Variants in SGMS1 observed in about 807,000 individuals in gnomAD.
SGMS1 encodes phosphatidylcholine:ceramide cholinephosphotransferase 1.
Under a neutral mutation model 46.2 loss-of-function variants are expected in SGMS1, and 13 were observed. That is an observed-to-expected ratio of 0.28 (90% CI 0.18 to 0.45). The LOEUF is 0.45. SGMS1 is among the 20% of genes least tolerant of loss of function. SGMS1 has a pLI of 1.00. For missense variants in SGMS1, 324 were observed against 519.9 expected, an observed-to-expected ratio of 0.62 and a Z score of 3.66; for synonymous variants, 203 against 187.8, an observed-to-expected ratio of 1.08 and a Z score of -0.66.
intron 8 of SGMS1, among the ~76,000 whole-genome samples, chr10:50,319,176 A>C (rs954705237): frequency 6.6e-6 from 1 of 151,934 alleles, no homozygotes; most frequent in Non-Finnish European, 1.5e-5. Flanking sequence ...AAAAAAAAAA[A>C]AAAAATTGCC....
chr10:50,337,231 A>C (rs1847730324), intron 7 of SGMS1, among the ~76,000 whole-genome samples: 1 of 152,160 alleles, frequency 6.6e-6, no homozygotes, highest in Non-Finnish European at 1.5e-5. Context: ...CCAGAATATA[A>C]CCCCCATTCA....
intron 2 of SGMS1, among the ~76,000 whole-genome samples, chr10:50,585,385 G>A (rs964103043): frequency 6.6e-6 from 1 of 152,164 alleles, no homozygotes; most frequent in African/African-American, 2.4e-5. Flanking sequence ...TACAGTAATT[G>A]TGCAAACATC....
chr10:50,346,385 A>T (rs1315158383), intron 6 of SGMS1, among the ~76,000 whole-genome samples: 2 of 151,892 alleles, frequency 1.3e-5, no homozygotes, highest in East Asian at 1.9e-4. Flanking sequence ...CAGGGGGCTA[A>T]TTTTTTTTCT....
intron 4 of SGMS1, among the ~76,000 whole-genome samples, chr10:50,462,565 A>G (rs1436524982): frequency 6.6e-6 from 1 of 152,220 alleles, no homozygotes; most frequent in Non-Finnish European, 1.5e-5. Context: ...AGAAACAATT[A>G]TTTCTAGAGG....
intron 6 of SGMS1, among the ~76,000 whole-genome samples, chr10:50,424,397 T>C (rs893187848): frequency 6.7e-6 from 1 of 150,360 alleles, no homozygotes; most frequent in Admixed American, 6.6e-5. Flanking sequence ...AGTATCTTCA[T>C]AAAAAGTGTC....
At chr10:50,319,872 A>T (rs1448924736) in intron 8 of SGMS1, among the ~76,000 whole-genome samples, 2 of 152,210 alleles carry the variant, frequency 1.3e-5, no homozygotes, top group African/African-American at 4.8e-5. Context: ...GTTATTTTTT[A>T]AAATTATGTA....
At chr10:50,349,395 G>T (rs1418695467) in intron 6 of SGMS1, among the ~76,000 whole-genome samples, 1 of 152,158 alleles carries the variant, frequency 6.6e-6, no homozygotes, top group Non-Finnish European at 1.5e-5. Context: ...GTGTGCTATG[G>T]TAGAAAGAGT....
chr10:50,370,885 C>G (rs1848425430), intron 6 of SGMS1, among the ~76,000 whole-genome samples: 1 of 152,100 alleles, frequency 6.6e-6, no homozygotes, highest in Admixed American at 6.5e-5. Context: ...GCTGTCATCT[C>G]CTGTGATAAT....
At chr10:50,442,779 T>C (rs1396562124) in intron 5 of SGMS1, among the ~76,000 whole-genome samples, 2 of 152,222 alleles carry the variant, frequency 1.3e-5, no homozygotes, top group Non-Finnish European at 2.9e-5. Flanking sequence ...TTGTCAAATG[T>C]ATAGCTTGCA....
intron 3 of SGMS1, among the ~76,000 whole-genome samples, chr10:50,493,917 C>T (rs1016032417): frequency 3.9e-5 from 6 of 152,218 alleles, no homozygotes; most frequent in African/African-American, 1.2e-4. Context: ...CCTGCCTCAG[C>T]GTCCCGTGTA....
intron 8 of SGMS1, among the ~76,000 whole-genome samples, chr10:50,317,018 T>C (rs933774129): frequency 2.6e-5 from 4 of 152,198 alleles, no homozygotes; most frequent in African/African-American, 9.7e-5. Context: ...GCTAACACCA[T>C]GTGCTCATGA....
chr10:50,594,690 GA>G (rs1457633277), intron 1 of SGMS1, among the ~76,000 whole-genome samples: 1 of 151,940 alleles, frequency 6.6e-6, no homozygotes, highest in Non-Finnish European at 1.5e-5. Context: ...GCATTTCTAG[GA>G]AAAATGTGAT....
At chr10:50,508,198 C>G (rs534084598) in intron 3 of SGMS1, among the ~76,000 whole-genome samples, 6 of 152,270 alleles carry the variant, frequency 3.9e-5, no homozygotes, top group Non-Finnish European at 7.4e-5. Flanking sequence ...TATATAAGAG[C>G]ACCTCAAACA....
chr10:50,558,536 A>G (rs1588876525), intron 2 of SGMS1, among the ~76,000 whole-genome samples: 1 of 152,168 alleles, frequency 6.6e-6, no homozygotes, highest in Non-Finnish European at 1.5e-5. Flanking sequence ...GCAGGGCTGG[A>G]TTCTGTCAGT....
chr10:50,437,683 G>A (rs1849492681), intron 5 of SGMS1, among the ~76,000 whole-genome samples: 1 of 152,202 alleles, frequency 6.6e-6, no homozygotes, highest in South Asian at 2.1e-4. Context: ...AACTGCTAAT[G>A]ATTCTAACCT....
chr10:50,571,928 A>G (rs1332637364), intron 2 of SGMS1, among the ~76,000 whole-genome samples: 1 of 152,196 alleles, frequency 6.6e-6, no homozygotes, highest in African/African-American at 2.4e-5. Context: ...GATCTGTCCC[A>G]TCTGTTTCAG....
intron 5 of SGMS1, among the ~76,000 whole-genome samples, chr10:50,459,157 C>T (rs1409007645): frequency 1.3e-5 from 2 of 152,142 alleles, no homozygotes; most frequent in Non-Finnish European, 2.9e-5. Context: ...CCATGCTAGA[C>T]TCATAATCAA....
At chr10:50,514,287 A>G (rs776305594) in intron 3 of SGMS1, among the ~76,000 whole-genome samples, 1 of 152,176 alleles carries the variant, frequency 6.6e-6, no homozygotes, top group Non-Finnish European at 1.5e-5. Context: ...CCTTGACACG[A>G]TAAGTCTTTG....
chr10:50,468,681 G>A (rs879762781), intron 3 of SGMS1, among the ~76,000 whole-genome samples: 1 of 152,096 alleles, frequency 6.6e-6, no homozygotes, highest in Non-Finnish European at 1.5e-5. Flanking sequence ...ATCTTCAAAT[G>A]GCATGCCACA....
Sources: allele counts gnomAD v4.1 joint callset (sites outside exome capture counted in the v4.1 genomes callset), GRCh38; gene constraint gnomAD v4.1.1; transcripts MANE v1.5; gene names NCBI Gene and HGNC (gene_info 2026-07-23, HGNC 2026-07-21).